ARID2: variants seen among roughly 807,000 people sequenced by gnomAD.
The protein encoded by ARID2 is AT-rich interactive domain-containing protein 2.
ARID2 carries 32 observed loss-of-function variants against 184.6 expected under a neutral mutation model. The observed-to-expected ratio is 0.17, with a 90% CI of 0.13 to 0.23. The LOEUF (loss-of-function observed/expected upper bound fraction) is 0.23, where lower values mean the gene tolerates loss of function less well. Among genes scored for constraint, ARID2 ranks in the 10% least tolerant of loss-of-function variants. The pLI is 1.00. For missense variants in ARID2, 1,696 were observed against 2,197.6 expected, an observed-to-expected ratio of 0.77 and a Z score of 4.56; for synonymous variants, 836 against 772.6, an observed-to-expected ratio of 1.08 and a Z score of -1.36.
At chr12:45,778,841 TG>T (rs1310656300) in intron 3 of ARID2, among the ~76,000 whole-genome samples, 1 of 152,018 alleles carries the variant, frequency 6.6e-6, no homozygotes, top group Non-Finnish European at 1.5e-5. Flanking sequence ...TGGAAACATC[TG>T]AAAAAGTATC....
intron 11 of ARID2, chr12:45,846,149 T>C (rs1943435303): frequency 6.6e-6 from 1 of 152,166 alleles, no homozygotes; most frequent in African/African-American, 2.4e-5. Context: ...GTATGTGTCT[T>C]AAGATTAATA....
intron 16 of ARID2, 108 bp downstream of exon 16, chr12:45,861,057 C>T (rs919698953): frequency 9.9e-7 from 1 of 1,008,430 alleles, no homozygotes; most frequent in African/African-American, 1.7e-5. Flanking sequence ...TTTAGAACCA[C>T]TAACTTTAGC....
chr12:45,841,071 G>C (rs1327397326), intron 11 of ARID2: 1 of 152,160 alleles, frequency 6.6e-6, no homozygotes, highest in Non-Finnish European at 1.5e-5. Context: ...TGTTCATATT[G>C]CTAGTTAAGT....
intron 3 of ARID2, among the ~76,000 whole-genome samples, chr12:45,801,321 A>G (rs967585607): frequency 6.9e-6 from 1 of 144,968 alleles, no homozygotes; most frequent in Non-Finnish European, 1.6e-5. Context: ...CAAAAAAAGA[A>G]AAAAAAAAAA....
chr12:45,856,168 G>A (rs572208992), intron 15 of ARID2, among the ~76,000 whole-genome samples: 18 of 136,796 alleles, frequency 1.3e-4, no homozygotes, highest in East Asian at 7.1e-4. Context: ...TCTACCTCCC[G>A]GGTTCAAGCG....
chr12:45,729,853 G>A lies in ARID2; in HGVS notation c.17G>A (p.Gly6Glu), dbSNP rs1315009829. The A allele has an allele frequency of 1.9e-6, 3 of 1,611,098 alleles. No individual in the cohort carries two copies. The highest frequency in any genetic ancestry group is 2.5e-6 in the Non-Finnish European group (3 of 1,179,024). MANST[G>E]KAPPDERRKG... Reference sequence around the variant, plus strand: ...GAAAAAATAATGGCAAACTCGACGGGGAAGGCGCCTCCGGACGAGCGGAGA... The same window carrying A: ...GAAAAAATAATGGCAAACTCGACGGAGAAGGCGCCTCCGGACGAGCGGAGA... The change falls in exon 1 of 21, where the codon GGG (glycine) becomes GAG (glutamate). Residue 6 changes from glycine to glutamate, a missense_variant. Transcript: ENST00000334344.
At chr12:45,868,130 T>C (rs893660454) in intron 16 of ARID2, among the ~76,000 whole-genome samples, 1 of 152,112 alleles carries the variant, frequency 6.6e-6, no homozygotes, top group African/African-American at 2.4e-5. Context: ...TTTGCAATAC[T>C]TCTCTGTACA....
Position 45,903,853 on chromosome 12 carries a change from AT to A in ARID2, c.5364-1072del, listed in dbSNP as rs554759018. 3.3e-5 allele frequency among the ~76,000 whole-genome samples: 5 copies of A among 151,162 alleles called. No homozygotes were observed. The East Asian group carries it at 7.8e-4, about 23-fold the overall frequency. ...CCTGGGTAATCTCATGCTGGCTGAT[AT>A]TTTTTTTTAACATTTAATATAAAAT... On this transcript the variant is annotated intron_variant, in intron 20 of 20. Coordinates refer to ENST00000334344, the MANE Select transcript of ARID2 (RefSeq NM_152641.4).
intron 15 of ARID2, among the ~76,000 whole-genome samples, chr12:45,855,332 A>T (rs1027670028): frequency 6.6e-6 from 1 of 152,184 alleles, no homozygotes; most frequent in Non-Finnish European, 1.5e-5. Flanking sequence ...CTCACAAAGG[A>T]TGTAGTTTAT....
At chr12:45,768,492 A>T (rs1365498185) in intron 3 of ARID2, among the ~76,000 whole-genome samples, 1 of 152,180 alleles carries the variant, frequency 6.6e-6, no homozygotes, top group Non-Finnish European at 1.5e-5. Flanking sequence ...CCAGCTCCAG[A>T]GATAGAGACT....
intron 6 of ARID2, among the ~76,000 whole-genome samples, chr12:45,829,298 C>G (rs1943063990): frequency 6.6e-6 from 1 of 152,000 alleles, no homozygotes; most frequent in African/African-American, 2.4e-5. Context: ...TGAAATTCTT[C>G]CTACTACATT....
intron 6 of ARID2, among the ~76,000 whole-genome samples, chr12:45,824,656 G>A (rs1942960214): frequency 6.6e-6 from 1 of 151,924 alleles, no homozygotes; most frequent in East Asian, 1.9e-4. Context: ...GGATAAAAGG[G>A]AACTCATACA....
At chr12:45,900,509 T>C (rs1944444002) in intron 20 of ARID2, among the ~76,000 whole-genome samples, 1 of 152,214 alleles carries the variant, frequency 6.6e-6, no homozygotes, top group African/African-American at 2.4e-5. Flanking sequence ...ACACAGTTGT[T>C]AAACCTCTGT....
intron 15 of ARID2, among the ~76,000 whole-genome samples, chr12:45,858,816 A>G (rs1943696066): frequency 1.3e-5 from 2 of 152,192 alleles, no homozygotes; most frequent in South Asian, 4.1e-4. Context: ...CCTATTTGTG[A>G]TATCTCTACG....
intron 15 of ARID2, among the ~76,000 whole-genome samples, chr12:45,859,007 C>G (rs1408966998): frequency 6.6e-6 from 1 of 152,160 alleles, no homozygotes; most frequent in East Asian, 1.9e-4. Context: ...TTCCTTCTTT[C>G]ATTTGTATGT....
rs12315806 is a variant in ARID2, at chr12:45,906,324, A to T, written c.*1246A>T. On this transcript the variant is annotated 3_prime_UTR_variant, in exon 21 of 21. Transcript: ENST00000334344. Reference sequence around the variant, plus strand: ...CTGCTCAGAAACTGCTCACTTCCTTAAATTGTCTTTTTTCCCCCAGCGTGA... The same window carrying T: ...CTGCTCAGAAACTGCTCACTTCCTTTAATTGTCTTTTTTCCCCCAGCGTGA... 3,544 of 233,204 alleles carry T rather than the reference A, an allele frequency of 0.015. 129 individuals carry two copies. Among genetic ancestry groups the T allele is most frequent in the African/African-American group, 0.073 (3,310 of 45,386 alleles). The allele number at this position is 233,204 out of a possible 1,614,324, so 14.4% of individuals were successfully genotyped here. A position where few individuals can be genotyped will look rare whatever the true frequency, so the allele number is the denominator to read the frequency against.
intron 3 of ARID2, among the ~76,000 whole-genome samples, chr12:45,810,021 G>A (rs1296804588): frequency 3.3e-5 from 5 of 152,182 alleles, no homozygotes; most frequent in African/African-American, 1.2e-4. Flanking sequence ...TAGCTGCCAA[G>A]CTTTTAAGTA....
intron 3 of ARID2, among the ~76,000 whole-genome samples, chr12:45,755,362 C>T (rs567201259): frequency 1.3e-5 from 2 of 152,234 alleles, no homozygotes; most frequent in Admixed American, 1.3e-4. Context: ...GCAAACACAC[C>T]TGCCCAGCTT....
chr12:45,819,177 G>A (rs183683103), intron 5 of ARID2, among the ~76,000 whole-genome samples: 11 of 152,218 alleles, frequency 7.2e-5, no homozygotes, highest in African/African-American at 2.2e-4. Flanking sequence ...TCTTTGAATA[G>A]GATTACATGT....
Sources: gnomAD v4.1 joint callset for allele counts (sites outside exome capture counted in the v4.1 genomes callset) on GRCh38, gnomAD v4.1.1 for gene constraint, MANE v1.5 for transcripts, NCBI Gene and HGNC (gene_info 2026-07-23, HGNC 2026-07-21) for gene names.